Variants in RGS7 observed in about 807,000 individuals in gnomAD.
The protein encoded by RGS7 is regulator of G-protein signaling 7.
In RGS7, 27 loss-of-function variants were observed where a neutral mutation model predicts 81.1. The observed-to-expected ratio is 0.33, with a 90% CI of 0.25 to 0.46. The LOEUF (loss-of-function observed/expected upper bound fraction) is 0.46. RGS7 is among the 20% of genes least tolerant of loss of function. The pLI, the probability that RGS7 is intolerant of heterozygous loss-of-function variation, is 1.00. For missense variants in RGS7, 396 were observed against 607.4 expected (o/e 0.65, Z 3.66); for synonymous variants, 208 against 207.7 (o/e 1.00, Z -0.01).
At chr1:240,804,537 A>ATT (rs138542840) in intron 15 of RGS7, among the ~76,000 whole-genome samples, 7,649 of 151,676 alleles carry the variant, frequency 0.05, 626 homozygotes, top group African/African-American at 0.17. Flanking sequence ...TTTCTATAGA[A>ATT]TTTTTTTTTC....
At chr1:240,935,172 A>G (rs191664902) in intron 5 of RGS7, among the ~76,000 whole-genome samples, 15 of 152,150 alleles carry the variant, frequency 9.9e-5, no homozygotes, top group African/African-American at 3.4e-4. Context: ...TGCTGGGACT[A>G]CAGGCATGAG....
intron 9 of RGS7, among the ~76,000 whole-genome samples, chr1:240,863,700 T>C (rs1221090135): frequency 6.6e-6 from 1 of 152,078 alleles, no homozygotes; most frequent in African/African-American, 2.4e-5. Flanking sequence ...GTCTATAATA[T>C]ATGAAAAATG....
At chr1:240,995,449 T>C (rs1308449331) in intron 3 of RGS7, among the ~76,000 whole-genome samples, 1 of 152,188 alleles carries the variant, frequency 6.6e-6, no homozygotes, top group African/African-American at 2.4e-5. Flanking sequence ...AGTGAAACCA[T>C]GAACCTGGAG....
chr1:241,114,323 TTCTC>T lies in RGS7; in HGVS notation c.79-15565_79-15562del, dbSNP rs111719705. Among the ~76,000 whole-genome samples, 68 of 151,656 alleles carry T rather than the reference TTCTC, an allele frequency of 4.5e-4. 1 individual carries two copies. The South Asian group carries it at 7.7e-3, about 17-fold the overall frequency. The stretch of plus-strand genomic sequence containing the variant: ...ACAACCTCCAGTCAGAGCTCGCTCT[TTCTC>T]TCTCTCTCTCTTTCTCTCTCTTTTT... On this transcript the variant is annotated intron_variant, in intron 2 of 18. Transcript: ENST00000440928.
At chr1:240,828,151 C>G (rs1008171937) in intron 9 of RGS7, among the ~76,000 whole-genome samples, 1 of 152,110 alleles carries the variant, frequency 6.6e-6, no homozygotes, top group African/African-American at 2.4e-5. Context: ...GCAGGTGAAC[C>G]CCTTTAAAAC....
chr1:241,258,794 G>A (rs1170161794), intron 2 of RGS7, among the ~76,000 whole-genome samples: 1 of 152,122 alleles, frequency 6.6e-6, no homozygotes, highest in African/African-American at 2.4e-5. Context: ...GGTCTTCTAC[G>A]GGAGGCAAAA....
At chr1:241,087,968 CTCTCTCTCTATA>C (rs1331940658) in intron 3 of RGS7, among the ~76,000 whole-genome samples, 107 of 87,330 alleles carry the variant, frequency 1.2e-3, no homozygotes, top group African/African-American at 4.2e-3. Flanking sequence ...CTCTCTCTCT[CTCTCTCTCTATA>C]TATATATATA....
intron 2 of RGS7, among the ~76,000 whole-genome samples, chr1:241,166,665 A>C (rs187817100): frequency 2.8e-4 from 43 of 152,322 alleles, no homozygotes; most frequent in African/African-American, 9.9e-4. Flanking sequence ...CCAATAAACC[A>C]CATTTCCAAG....
intron 3 of RGS7, among the ~76,000 whole-genome samples, chr1:241,043,978 C>T (rs892934402): frequency 6.6e-6 from 1 of 152,140 alleles, no homozygotes; most frequent in African/African-American, 2.4e-5. Flanking sequence ...AGAAATATTT[C>T]TAAATCCTTG....
Position 241,238,182 on chromosome 1 carries a change from A to G in RGS7, c.78+117517T>C, listed in dbSNP as rs567265581. ...AGGTATTGTAGAAGCTCAGATTGGG[A>G]GTGCCTAGGGCTGACCGACCCAGAC... On this transcript the variant is annotated intron_variant, in intron 2 of 18. Transcript: ENST00000440928. 1.3e-4 allele frequency among the ~76,000 whole-genome samples: 20 copies of G among 152,302 alleles called. No individual in the cohort carries two copies. The South Asian group carries it at 3.5e-3, about 27-fold the overall frequency.
chr1:241,079,450 TGAA>T (rs1003309026), intron 3 of RGS7, among the ~76,000 whole-genome samples: 2 of 151,862 alleles, frequency 1.3e-5, no homozygotes, highest in Admixed American at 1.3e-4. Flanking sequence ...AAAAATTCCA[TGAA>T]GAAGAACAGA....
At chr1:240,793,611 A>ATATATATTTTTTTTTTTTTT in intron 18 of RGS7, among the ~76,000 whole-genome samples, 9 of 78,814 alleles carry the variant, frequency 1.1e-4, no homozygotes, top group African/African-American at 6.8e-4. Context: ...ATATATATAT[A>ATATATATTTTTTTTTTTTTT]TTTTTTTTTT....
chr1:241,232,444 C>T (rs372086980), intron 2 of RGS7, among the ~76,000 whole-genome samples: 2 of 152,012 alleles, frequency 1.3e-5, no homozygotes, highest in African/African-American at 4.8e-5. Context: ...TGGCTTCAAG[C>T]AATCCTCCTG....
At chr1:240,850,399 G>T (rs543035077) in intron 9 of RGS7, among the ~76,000 whole-genome samples, 3 of 152,286 alleles carry the variant, frequency 2.0e-5, no homozygotes, top group Non-Finnish European at 4.4e-5. Flanking sequence ...TGTCGTGATC[G>T]TTTTGGGATG....
chr1:240,934,687 T>C (rs926834462), intron 5 of RGS7, among the ~76,000 whole-genome samples: 1 of 152,110 alleles, frequency 6.6e-6, no homozygotes, highest in Admixed American at 6.6e-5. Context: ...TTAATGTGTA[T>C]ATGTATAGAT....
chr1:241,032,228 G>C (rs2148732291), intron 3 of RGS7, among the ~76,000 whole-genome samples: 1 of 152,272 alleles, frequency 6.6e-6, no homozygotes, highest in South Asian at 2.1e-4. Flanking sequence ...TTATTGAATA[G>C]GGTGTCCTTT....
At chr1:240,946,800 C>T (rs1312882700) in intron 4 of RGS7, among the ~76,000 whole-genome samples, 1 of 151,974 alleles carries the variant, frequency 6.6e-6, no homozygotes. Context: ...TTTTGGTGCT[C>T]TATTACACAG....
chr1:241,254,018 A>G (rs1403235347), intron 2 of RGS7, among the ~76,000 whole-genome samples: 4 of 151,992 alleles, frequency 2.6e-5, no homozygotes, highest in Non-Finnish European at 5.9e-5. Flanking sequence ...GGCTAACACG[A>G]TGAAACACCA....
At chr1:240,951,345 A>G (rs1679526514) in intron 4 of RGS7, among the ~76,000 whole-genome samples, 1 of 152,246 alleles carries the variant, frequency 6.6e-6, no homozygotes, top group South Asian at 2.1e-4. Context: ...ATCAGACAGG[A>G]AGTTTAAATT....
Sources: gnomAD v4.1 joint callset for allele counts (sites outside exome capture counted in the v4.1 genomes callset) on GRCh38, gnomAD v4.1.1 for gene constraint, MANE v1.5 for transcripts, NCBI Gene and HGNC (gene_info 2026-07-23, HGNC 2026-07-21) for gene names.